Variants in MARCHF11 observed in about 807,000 individuals in gnomAD.
The protein encoded by MARCHF11 is E3 ubiquitin-protein ligase MARCHF11.
A neutral mutation model predicts 37.3 loss-of-function variants in MARCHF11; 29 were observed. The ratio of observed to expected loss-of-function variants is 0.78; its 90% CI spans 0.58 to 1.06. MARCHF11 has a LOEUF of 1.06. MARCHF11 is among the 50% of genes least tolerant of loss of function. The probability of loss-of-function intolerance (pLI) is 0.00; values close to 1 mark genes in which losing one functional copy is unlikely to be tolerated. For synonymous variants in MARCHF11, 233 were observed against 228.0 expected (o/e 1.02, Z -0.20); for missense variants, 482 against 533.4 (o/e 0.90, Z 0.95).
At chr5:16,142,838 T>A (rs1460592968) in intron 2 of MARCHF11, among the ~76,000 whole-genome samples, 5 of 142,826 alleles carry the variant, frequency 3.5e-5, no homozygotes, top group Admixed American at 7.0e-5. Flanking sequence ...ATTACAGACA[T>A]CTCCCAAGTA....
chr5:16,155,767 G>A (rs1481708234), intron 2 of MARCHF11, among the ~76,000 whole-genome samples: 5 of 151,942 alleles, frequency 3.3e-5, no homozygotes, highest in Non-Finnish European at 7.4e-5. Context: ...CAAGGAGCCT[G>A]ATGTGTAAGA....
At chr5:16,112,820 T>C (rs2126571413) in intron 2 of MARCHF11, among the ~76,000 whole-genome samples, 1 of 152,266 alleles carries the variant, frequency 6.6e-6, no homozygotes, top group Non-Finnish European at 1.5e-5. Context: ...TGGTGGGAGA[T>C]AACTGAATCA....
intron 2 of MARCHF11, among the ~76,000 whole-genome samples, chr5:16,135,613 T>C (rs1737595533): frequency 1.3e-5 from 2 of 152,028 alleles, no homozygotes; most frequent in South Asian, 2.1e-4. Flanking sequence ...AAGAAAACAC[T>C]GTTGCAAAAA....
chr5:16,140,425 A>C (rs1166741496), intron 2 of MARCHF11, among the ~76,000 whole-genome samples: 1 of 152,218 alleles, frequency 6.6e-6, no homozygotes, highest in African/African-American at 2.4e-5. Context: ...GGGTCATTGT[A>C]TATATAGCTA....
At chr5:16,119,023 T>G (rs1229435705) in intron 2 of MARCHF11, among the ~76,000 whole-genome samples, 1 of 152,146 alleles carries the variant, frequency 6.6e-6, no homozygotes, top group Non-Finnish European at 1.5e-5. Context: ...CATAACTCTA[T>G]GTAATGAGTC....
At chr5:16,070,612 TA>T (rs1483719609) in intron 3 of MARCHF11, among the ~76,000 whole-genome samples, 1 of 152,230 alleles carries the variant, frequency 6.6e-6, no homozygotes, top group African/African-American at 2.4e-5. Context: ...TACTAGAGCT[TA>T]AAGTCACTTT....
rs56978661 is a variant in MARCHF11 at position 16,130,251 on chromosome 5, T to TACACACAC, written c.694-39178_694-39171dup. Among the ~76,000 whole-genome samples, 189 of 144,364 alleles carry TACACACAC rather than the reference T, an allele frequency of 1.3e-3. 3 individuals are homozygous for TACACACAC. Among genetic ancestry groups the TACACACAC allele is most frequent in the African/African-American group, 4.5e-3 (174 of 38,832 alleles). 94.7% of individuals were successfully genotyped at this position (144,364 alleles called of 152,430 possible). A position where few individuals can be genotyped will look rare whatever the true frequency, so the allele number is the denominator to read the frequency against. On this transcript the variant is annotated intron_variant, in intron 2 of 3. Coordinates refer to ENST00000332432, the MANE Select transcript of MARCHF11 (RefSeq NM_001102562.3). ...TAAAAGACCGTAAATTCCAGGTACA[T>TACACACAC]ACACACACACACACACACACACACA...
chr5:16,079,084 C>T (rs1325356071), intron 3 of MARCHF11, among the ~76,000 whole-genome samples: 1 of 152,148 alleles, frequency 6.6e-6, no homozygotes, highest in Non-Finnish European at 1.5e-5. Context: ...GACTCCTGAG[C>T]CTGCTCCATC....
chr5:16,165,833 C>A lies in MARCHF11; in HGVS notation c.693+11893G>T, dbSNP rs536701542. Among the ~76,000 whole-genome samples, 5 of 152,164 alleles carry A rather than the reference C, an allele frequency of 3.3e-5. No homozygotes were observed. The South Asian group carries it at 8.3e-4, about 25-fold the overall frequency. ...AAGGTATTTCCTCATCCTTTCCACT[C>A]TATTACCAATCTACTCTTTGGAAGC... is the stretch of plus-strand genomic sequence containing the variant. On this transcript the variant is annotated intron_variant, in intron 2 of 3. Coordinates refer to ENST00000332432, the MANE Select transcript of MARCHF11 (RefSeq NM_001102562.3).
chr5:16,123,225 AG>A (rs1737342156), intron 2 of MARCHF11, among the ~76,000 whole-genome samples: 2 of 152,178 alleles, frequency 1.3e-5, no homozygotes, highest in African/African-American at 2.4e-5. Flanking sequence ...ATTTGGAGAT[AG>A]GGTGTTTGCA....
At chr5:16,086,887 G>C (rs1736706575) in intron 3 of MARCHF11, among the ~76,000 whole-genome samples, 1 of 152,338 alleles carries the variant, frequency 6.6e-6, no homozygotes, top group South Asian at 2.1e-4. Context: ...CCAGGGTGGA[G>C]TGAAGAAGCA....
intron 3 of MARCHF11, among the ~76,000 whole-genome samples, chr5:16,075,567 A>C (rs570794568): frequency 6.6e-6 from 1 of 152,224 alleles, no homozygotes; most frequent in African/African-American, 2.4e-5. Flanking sequence ...GTCAAAACTC[A>C]GTCTTTGCTG....
rs376129671 is a variant in MARCHF11 at position 16,112,088 on chromosome 5, C to T, written c.694-21007G>A. On this transcript the variant is annotated intron_variant, in intron 2 of 3. Coordinates refer to ENST00000332432, the MANE Select transcript of MARCHF11 (RefSeq NM_001102562.3). Reference sequence around the variant, plus strand: ...AGAAATTTGCTGCAGGAGTGTGGCCCTCATGGAAAACCTCTGCTAGGGCTG... The same window carrying T: ...AGAAATTTGCTGCAGGAGTGTGGCCTTCATGGAAAACCTCTGCTAGGGCTG... Among the ~76,000 whole-genome samples the T allele has an allele frequency of 1.4e-4, 22 of 152,304 alleles. 1 individual carries two copies. Among genetic ancestry groups the T allele is most frequent in the Non-Finnish European group, 2.4e-4 (16 of 68,038 alleles).
chr5:16,160,990 G>C (rs961564616), intron 2 of MARCHF11, among the ~76,000 whole-genome samples: 24 of 151,900 alleles, frequency 1.6e-4, no homozygotes, highest in Admixed American at 5.3e-4. Flanking sequence ...TAGGATGCTT[G>C]CTCCTGTAAA....
intron 2 of MARCHF11, among the ~76,000 whole-genome samples, chr5:16,127,001 G>T (rs2126581221): frequency 6.6e-6 from 1 of 152,194 alleles, no homozygotes; most frequent in Non-Finnish European, 1.5e-5. Context: ...AGCTCAGTCA[G>T]AAAAAAGGCA....
At chr5:16,128,068 CT>C (rs1416669781) in intron 2 of MARCHF11, among the ~76,000 whole-genome samples, 1 of 152,202 alleles carries the variant, frequency 6.6e-6, no homozygotes, top group African/African-American at 2.4e-5. Context: ...TGCCTGCCAT[CT>C]CTTGCTGCTG....
At chr5:16,071,810 G>A (rs542752300) in intron 3 of MARCHF11, among the ~76,000 whole-genome samples, 72 of 152,238 alleles carry the variant, frequency 4.7e-4, no homozygotes, top group African/African-American at 1.7e-3. Flanking sequence ...TTTTGGATAA[G>A]TTTGGTTGTT....
intron 2 of MARCHF11, among the ~76,000 whole-genome samples, chr5:16,162,002 C>T (rs1037879528): frequency 6.6e-6 from 1 of 151,934 alleles, no homozygotes; most frequent in Non-Finnish European, 1.5e-5. Context: ...TGTATTATCA[C>T]TGTATTTATA....
chr5:16,121,422 T>C (rs376708029), intron 2 of MARCHF11, among the ~76,000 whole-genome samples: 2 of 152,228 alleles, frequency 1.3e-5, no homozygotes, highest in Non-Finnish European at 2.9e-5. Context: ...GGTTGGCATA[T>C]GGTAGGAACA....
Sources: allele counts gnomAD v4.1 joint callset (sites outside exome capture counted in the v4.1 genomes callset), GRCh38; gene constraint gnomAD v4.1.1; transcripts MANE v1.5; gene names NCBI Gene and HGNC (gene_info 2026-07-23, HGNC 2026-07-21).